NDRG4: variants seen among roughly 807,000 people sequenced by gnomAD.
NDRG4 encodes the protein protein NDRG4.
NDRG4 carries 38 observed loss-of-function variants against 55.8 expected under a neutral mutation model. The ratio of observed to expected loss-of-function variants is 0.68; its 90% CI spans 0.53 to 0.89. The LOEUF (loss-of-function observed/expected upper bound fraction) is 0.89, where lower values mean the gene tolerates loss of function less well. Ranked by LOEUF, NDRG4 falls within the 40% of genes least tolerant of loss-of-function variation. NDRG4 has a pLI of 0.00. For missense variants in NDRG4, 455 were observed against 468.6 expected, an observed-to-expected ratio of 0.97 and a Z score of 0.27; for synonymous variants, 190 against 182.7, an observed-to-expected ratio of 1.04 and a Z score of -0.32.
chr16:58,477,142 G>GTGTGATATATATATA (rs929498463), intron 1 of NDRG4, among the ~76,000 whole-genome samples: 3 of 150,978 alleles, frequency 2.0e-5, no homozygotes, highest in South Asian at 2.1e-4. Context: ...ATATATATAT[G>GTGTGATATATATATA]TGTGATATAT....
intron 1 of NDRG4, among the ~76,000 whole-genome samples, chr16:58,474,311 G>A (rs543626314): frequency 3.8e-4 from 58 of 152,286 alleles, no homozygotes; most frequent in Non-Finnish European, 7.2e-4. Context: ...CCAAAGTGCT[G>A]GGATTACAGG....
chr16:58,509,130 G>T (rs2038430216), intron 11 of NDRG4, 24 bp from the exon 12 acceptor site: 2 of 1,614,020 alleles, frequency 1.2e-6, no homozygotes. Context: ...CCCTGCTCAG[G>T]TCACCCCACT....
Position 58,511,748 on chromosome 16 carries a change from A to G in NDRG4, c.*172A>G, listed in dbSNP as rs1250417515. 4 of 804,384 alleles carry G rather than the reference A, an allele frequency of 5.0e-6. No individual in the cohort carries two copies. The Admixed American group carries it at 8.1e-5, about 16-fold the overall frequency. The allele number at this position is 804,384 out of a possible 1,614,324, so 49.8% of individuals were successfully genotyped here. On this transcript the variant is annotated 3_prime_UTR_variant, in exon 15 of 15. Coordinates refer to ENST00000570248, the MANE Select transcript of NDRG4 (RefSeq NM_001242835.2). ...AGCAGAACAGTCTCCAGGTGTTTTA[A>G]GGGGCTCAGTCCTCCTCATCCCATC... is the stretch of plus-strand genomic sequence containing the variant.
chr16:58,507,794 C>T lies in NDRG4; in HGVS notation c.621-14C>T, dbSNP rs2038237006. On this transcript the variant is annotated splice_polypyrimidine_tract_variant and intron_variant, in intron 8 of 14. Coordinates refer to ENST00000570248, the MANE Select transcript of NDRG4 (RefSeq NM_001242835.2). ...GTGCCCACCTCTGCCTCTGCCCCTC[C>T]CCCTGCCCCACAGCCGCAGAGACCT... The T allele has an allele frequency of 6.2e-7, 1 of 1,612,880 alleles. No individual in the cohort carries two copies. Among genetic ancestry groups the T allele is most frequent in the South Asian group, 1.1e-5 (1 of 91,050 alleles).
chr16:58,482,701 C>CTCCCTTCCTTCCTCCA (rs2034581164), intron 1 of NDRG4, among the ~76,000 whole-genome samples: 1 of 143,462 alleles, frequency 7.0e-6, no homozygotes, highest in African/African-American at 2.6e-5. Context: ...TCCTTCCTCC[C>CTCCCTTCCTTCCTCCA]TCCCTCCTTT....
chr16:58,464,378 G>A lies in NDRG4; in HGVS notation c.-24+581G>A. 7.3e-7 allele frequency: 1 copy of A among 1,362,358 alleles called. No homozygotes were observed. The highest frequency in any genetic ancestry group is 1.5e-5 in the African/African-American group (1 of 65,570). The allele number at this position is 1,362,358 out of a possible 1,614,324, so 84.4% of individuals were successfully genotyped here. On this transcript the variant is annotated intron_variant, in intron 1 of 15. Transcript: ENST00000258187. The surrounding 1 kb of genome is among the most constrained non-coding windows in gnomAD (Gnocchi z 4.8). ...CCGCGCTCCTCTCCCCGGCTCGGCC[G>A]AGCGCGCTGCCCCGACGCCGCCACC...
intron 1 of NDRG4, 137 bp from the exon 2 acceptor site, chr16:58,503,661 T>C: frequency 6.6e-7 from 1 of 1,525,554 alleles, no homozygotes; most frequent in South Asian, 1.2e-5. Context: ...GGGGGCTTCT[T>C]GGGGTGATGA....
At chr16:58,476,088 C>G (rs1374921573) in intron 1 of NDRG4, among the ~76,000 whole-genome samples, 1 of 152,092 alleles carries the variant, frequency 6.6e-6, no homozygotes, top group Non-Finnish European at 1.5e-5. Flanking sequence ...TGAGCCACTG[C>G]GCCCAGCCAT....
chr16:58,466,351 A>G (rs1266918465), intron 1 of NDRG4, among the ~76,000 whole-genome samples: 1 of 152,190 alleles, frequency 6.6e-6, no homozygotes, highest in Non-Finnish European at 1.5e-5. Flanking sequence ...CATGGTGAAC[A>G]GATCTCCTGG....
At chr16:58,514,253 T>C (rs1227625165), downstream of NDRG4, among the ~76,000 whole-genome samples, 1 of 152,258 alleles carries the variant, frequency 6.6e-6, no homozygotes, top group Non-Finnish European at 1.5e-5. Flanking sequence ...CCTCACAAGA[T>C]TACTCCTGGG....
At position 58,511,632 on chromosome 16, in the gene NDRG4, C is replaced by G; in HGVS notation, c.*56C>G. 1 of 1,606,836 alleles carries G rather than the reference C, an allele frequency of 6.2e-7. No homozygotes were observed. The highest frequency in any genetic ancestry group is 8.5e-7 in the Non-Finnish European group (1 of 1,174,566). On this transcript the variant is annotated 3_prime_UTR_variant, in exon 15 of 15. Coordinates refer to ENST00000570248, the MANE Select transcript of NDRG4 (RefSeq NM_001242835.2). Reference sequence around the variant, plus strand: ...CGAGGCCCCACCGCCATCCTTGCGCCGGCTCATGTTCCCTTTAGTTTATTT... The same window carrying G: ...CGAGGCCCCACCGCCATCCTTGCGCGGGCTCATGTTCCCTTTAGTTTATTT...
chr16:58,510,302 G>A (rs375808625), intron 13 of NDRG4, among the ~76,000 whole-genome samples: 173 of 152,344 alleles, frequency 1.1e-3, no homozygotes, highest in African/African-American at 4.1e-3. Flanking sequence ...CAGGGTCCTG[G>A]GGAGAAACTC....
rs1054566300 is a variant in NDRG4, at chr16:58,512,060, C to T, written c.*484C>T. ...TCTGTCTCATAGCACATGTGACAATCATCTGGACAACAGCCACAAGGGGGC... is the reference window on the plus strand; with the variant it reads ...TCTGTCTCATAGCACATGTGACAATTATCTGGACAACAGCCACAAGGGGGC... On this transcript the variant is annotated 3_prime_UTR_variant, in exon 15 of 15. Coordinates refer to ENST00000570248, the MANE Select transcript of NDRG4 (RefSeq NM_001242835.2). The T allele has an allele frequency of 3.5e-5, 16 of 456,980 alleles. No homozygotes were observed. The highest frequency in any genetic ancestry group is 2.6e-5 in the Non-Finnish European group (6 of 227,238). 28.3% of individuals were successfully genotyped at this position (456,980 alleles called of 1,614,324 possible). A position where few individuals can be genotyped will look rare whatever the true frequency, so the allele number is the denominator to read the frequency against.
At chr16:58,509,911 C>A (rs928111874) in intron 13 of NDRG4, among the ~76,000 whole-genome samples, 1 of 152,004 alleles carries the variant, frequency 6.6e-6, no homozygotes, top group East Asian at 1.9e-4. Flanking sequence ...AAATCTGGGT[C>A]TGGGGTGGAA....
intron 1 of NDRG4, 52 bp from the exon 2 acceptor site, chr16:58,503,746 G>C: frequency 1.2e-6 from 2 of 1,610,354 alleles, no homozygotes; most frequent in Middle Eastern, 1.7e-4. Flanking sequence ...TTCCCCAGAG[G>C]AGCCAAGAGC....
chr16:58,511,565 G>A lies in NDRG4; in HGVS notation c.1048G>A (p.Val350Met). The A allele has an allele frequency of 1.9e-6, 3 of 1,613,070 alleles. No individual in the cohort carries two copies. Among genetic ancestry groups the A allele is most frequent in the Non-Finnish European group, 2.5e-6 (3 of 1,179,966 alleles). The change falls in exon 15 of 15, where the codon GTG becomes ATG. Residue 350 changes from valine to methionine, a missense_variant. By Grantham distance (21) the Val-to-Met change is conservative. Coordinates refer to ENST00000570248, the MANE Select transcript of NDRG4 (RefSeq NM_001242835.2). ...GLGQVNHTME[V>M]SC ...GGGCCAGGTCAACCACACCATGGAG[G>A]TGTCCTGTTGAAGCCCTTGATCCCG...
chr16:58,489,081 C>T (rs1230457170), intron 2 of NDRG4, among the ~76,000 whole-genome samples: 53 of 152,086 alleles, frequency 3.5e-4, no homozygotes, highest in Middle Eastern at 3.4e-3. Context: ...GGCAGATCAC[C>T]TGAGGTCAGC....
chr16:58,469,550 C>T (rs529372058), intron 1 of NDRG4, among the ~76,000 whole-genome samples: 2 of 152,046 alleles, frequency 1.3e-5, no homozygotes, highest in South Asian at 4.2e-4. Context: ...GATAGTTATC[C>T]CTTCATTGTT....
intron 1 of NDRG4, chr16:58,502,050 C>A (rs1041856181): frequency 5.5e-5 from 25 of 455,858 alleles, no homozygotes; most frequent in African/African-American, 4.8e-4. Context: ...CGGGTGGAAC[C>A]TGATCTCCTG....
Sources: allele counts gnomAD v4.1 joint callset (sites outside exome capture counted in the v4.1 genomes callset), GRCh38; gene constraint gnomAD v4.1.1; non-coding constraint Gnocchi (gnomAD v3.1); transcripts MANE v1.5; gene names NCBI Gene and HGNC (gene_info 2026-07-23, HGNC 2026-07-21).